KLHL29: variants seen among roughly 807,000 people sequenced by gnomAD.
The protein encoded by KLHL29 is kelch like family member 29, also known as kelch-like protein 29.
In KLHL29, 21 loss-of-function variants were observed where a neutral mutation model predicts 80.4. That is an observed-to-expected ratio of 0.26 (90% confidence interval 0.19 to 0.38). KLHL29 has a LOEUF of 0.38. Ranked by LOEUF, KLHL29 falls within the 10% of genes least tolerant of loss-of-function variation. The pLI, the probability that KLHL29 is intolerant of heterozygous loss-of-function variation, is 1.00. For missense variants in KLHL29, 867 were observed against 1,223.9 expected, an observed-to-expected ratio of 0.71 and a Z score of 4.35; for synonymous variants, 511 against 526.8, an observed-to-expected ratio of 0.97 and a Z score of 0.41.
intron 1 of KLHL29, among the ~76,000 whole-genome samples, chr2:23,473,074 C>T (rs1193234536): frequency 6.6e-6 from 1 of 152,002 alleles, no homozygotes; most frequent in African/African-American, 2.4e-5. Flanking sequence ...GGAGCTATTA[C>T]AGGAATCCAG....
chr2:23,580,019 T>C (rs1297129306), intron 3 of KLHL29, among the ~76,000 whole-genome samples: 1 of 152,180 alleles, frequency 6.6e-6, no homozygotes, highest in Non-Finnish European at 1.5e-5. Flanking sequence ...GGCCTCTTTT[T>C]CCTCATCTAT....
intron 1 of KLHL29, among the ~76,000 whole-genome samples, chr2:23,404,703 C>T (rs771426967): frequency 3.3e-5 from 5 of 152,246 alleles, no homozygotes; most frequent in Non-Finnish European, 7.3e-5. Flanking sequence ...TATGCTTCCA[C>T]TTAATACGTC....
At chr2:23,656,533 T>C (rs1269388260) in intron 5 of KLHL29, among the ~76,000 whole-genome samples, 1 of 152,234 alleles carries the variant, frequency 6.6e-6, no homozygotes, top group African/African-American at 2.4e-5. Context: ...GCCATTCTTA[T>C]CTGCAAGGCC....
At chr2:23,452,461 C>T (rs1446241177) in intron 1 of KLHL29, among the ~76,000 whole-genome samples, 3 of 152,118 alleles carry the variant, frequency 2.0e-5, no homozygotes, top group African/African-American at 7.2e-5. Context: ...CTCATTTCAA[C>T]ATGAGATTTG....
intron 5 of KLHL29, among the ~76,000 whole-genome samples, chr2:23,683,483 A>G (rs1320179051): frequency 6.6e-6 from 1 of 152,210 alleles, no homozygotes; most frequent in Non-Finnish European, 1.5e-5. Flanking sequence ...CAACCCCAAC[A>G]GGGTGACTGG....
intron 1 of KLHL29, among the ~76,000 whole-genome samples, chr2:23,450,319 TGAAGGGTCAGG>T (rs1280042447): frequency 6.6e-6 from 1 of 152,186 alleles, no homozygotes; most frequent in African/African-American, 2.4e-5. Context: ...TGGGATCATG[TGAAGGGTCAGG>T]GTTGTTTTTC....
intron 2 of KLHL29, among the ~76,000 whole-genome samples, chr2:23,493,681 G>A (rs1665174097): frequency 6.6e-6 from 1 of 152,052 alleles, no homozygotes; most frequent in Admixed American, 6.6e-5. Context: ...GCATGTGTAT[G>A]TGTGTGTGCA....
At chr2:23,633,605 G>A (rs1255488295) in intron 3 of KLHL29, among the ~76,000 whole-genome samples, 1 of 152,014 alleles carries the variant, frequency 6.6e-6, no homozygotes, top group African/African-American at 2.4e-5. Context: ...CCATGGTATT[G>A]ACTAGTAACC....
At chr2:23,423,711 G>A (rs1330125529) in intron 1 of KLHL29, among the ~76,000 whole-genome samples, 3 of 152,112 alleles carry the variant, frequency 2.0e-5, no homozygotes, top group African/African-American at 4.8e-5. Context: ...GTGCGGTGTG[G>A]GATCTCGCTG....
chr2:23,482,426 A>G (rs978417920), intron 2 of KLHL29, among the ~76,000 whole-genome samples: 12 of 152,222 alleles, frequency 7.9e-5, no homozygotes, highest in Admixed American at 7.9e-4. Flanking sequence ...GGCCAAGGAG[A>G]CATGGGTGCT....
At chr2:23,395,422 G>A (rs1666426207) in intron 1 of KLHL29, among the ~76,000 whole-genome samples, 1 of 152,182 alleles carries the variant, frequency 6.6e-6, no homozygotes, top group Non-Finnish European at 1.5e-5. Context: ...CCCAGTGTGT[G>A]CCGAGATAAA....
chr2:23,439,522 G>A (rs1486214667), intron 1 of KLHL29, among the ~76,000 whole-genome samples: 82 of 151,112 alleles, frequency 5.4e-4, no homozygotes, highest in South Asian at 1.9e-3. Flanking sequence ...CTTTGTTCTC[G>A]TTGGTTTCAA....
intron 7 of KLHL29, among the ~76,000 whole-genome samples, chr2:23,692,586 C>T (rs1671687998): frequency 6.6e-6 from 1 of 152,180 alleles, no homozygotes. Context: ...GTGCCAGGAA[C>T]CACGATGGCA....
At chr2:23,459,749 CT>C (rs1290659399) in intron 1 of KLHL29, among the ~76,000 whole-genome samples, 7 of 152,180 alleles carry the variant, frequency 4.6e-5, no homozygotes, top group Admixed American at 1.3e-4. Context: ...ATTTTCATCC[CT>C]GCTTTCAAGG....
At position 23,562,110 on chromosome 2, in the gene KLHL29, C is replaced by T. The variant is rs951023186; in HGVS notation, c.-45-42C>T. ...GGATGCTGTCAGTTGTCGCTGCCTGCTCCAGTCCTAAATCACCCTTCTCTC... is the reference window on the plus strand; with the variant it reads ...GGATGCTGTCAGTTGTCGCTGCCTGTTCCAGTCCTAAATCACCCTTCTCTC... On this transcript the variant is annotated intron_variant, in intron 2 of 13. Transcript: ENST00000486442. The surrounding 1 kb of genome is among the most constrained non-coding windows in gnomAD (Gnocchi z 4.5). 3 of 1,487,152 alleles carry T rather than the reference C, an allele frequency of 2.0e-6. No individual in the cohort carries two copies. The highest frequency in any genetic ancestry group is 1.4e-5 in the African/African-American group (1 of 71,596). The allele number at this position is 1,487,152 out of a possible 1,614,324, so 92.1% of individuals were successfully genotyped here.
intron 3 of KLHL29, among the ~76,000 whole-genome samples, chr2:23,573,571 G>A (rs945256532): frequency 8.5e-5 from 13 of 152,156 alleles, no homozygotes; most frequent in East Asian, 3.9e-4. Context: ...CTGGCGACAC[G>A]ACCGGAAGGT....
rs139974666 is a variant in KLHL29 at position 23,494,012 on chromosome 2, G to A, written c.-46+18345G>A. Among the ~76,000 whole-genome samples, 23 of 152,268 alleles carry A rather than the reference G, an allele frequency of 1.5e-4. No homozygotes were observed. In the East Asian group the frequency reaches 3.3e-3, roughly 22 times the overall value. Reference sequence around the variant, plus strand: ...ATTAAATATACTACTGCTATCTCTCGAAACATTAGCAAGTAATGTAAAACA... The same window carrying A: ...ATTAAATATACTACTGCTATCTCTCAAAACATTAGCAAGTAATGTAAAACA... On this transcript the variant is annotated intron_variant, in intron 2 of 13. Transcript: ENST00000486442.
chr2:23,439,412 A>G (rs1002401005), intron 1 of KLHL29, among the ~76,000 whole-genome samples: 18 of 150,678 alleles, frequency 1.2e-4, no homozygotes, highest in African/African-American at 4.2e-4. Context: ...TAGGGTGTCA[A>G]TTTTGGATCT....
chr2:23,624,465 A>C (rs536252447), intron 3 of KLHL29, among the ~76,000 whole-genome samples: 67 of 152,310 alleles, frequency 4.4e-4, no homozygotes, highest in African/African-American at 1.4e-3. Context: ...ATTTAGCCAA[A>C]GAAAGATGCC....
Sources: gnomAD v4.1 joint callset for allele counts (sites outside exome capture counted in the v4.1 genomes callset) on GRCh38, gnomAD v4.1.1 for gene constraint, Gnocchi (gnomAD v3.1) non-coding constraint, MANE v1.5 for transcripts, NCBI Gene and HGNC (gene_info 2026-07-23, HGNC 2026-07-21) for gene names.